The following AGBL4 variants were observed in gnomAD, a reference collection of about 807,000 sequenced individuals.
AGBL4 encodes cytosolic carboxypeptidase 6.
In AGBL4, 58 loss-of-function variants were observed where a neutral mutation model predicts 66.4. That is an observed-to-expected ratio of 0.87 (90% CI 0.71 to 1.09). The LOEUF (loss-of-function observed/expected upper bound fraction) is 1.09. AGBL4 is among the 50% of genes least tolerant of loss of function. AGBL4 has a pLI of 0.00. For missense variants in AGBL4, 579 were observed against 631.0 expected, an observed-to-expected ratio of 0.92 and a Z score of 0.88; for synonymous variants, 234 against 222.9, an observed-to-expected ratio of 1.05 and a Z score of -0.44.
At chr1:49,884,156 A>C (rs939308422) in intron 1 of AGBL4, among the ~76,000 whole-genome samples, 11 of 152,004 alleles carry the variant, frequency 7.2e-5, no homozygotes, top group African/African-American at 2.7e-4. Flanking sequence ...CAAAGGCAGC[A>C]TGAATTACTA....
intron 4 of AGBL4, among the ~76,000 whole-genome samples, chr1:49,190,625 GT>G (rs1429295558): frequency 6.6e-6 from 1 of 152,086 alleles, no homozygotes; most frequent in African/African-American, 2.4e-5. Flanking sequence ...TAATAAAATA[GT>G]TGCACTCTTA....
At chr1:48,523,745 T>C in the AGBL4 span, among the ~76,000 whole-genome samples, 1 of 152,290 alleles carries the variant, frequency 6.6e-6, no homozygotes, top group African/African-American at 2.4e-5. Flanking sequence ...ATGCATTGTT[T>C]AATGACAGGG....
chr1:48,644,928 C>T (rs1645811045), intron 8 of AGBL4, among the ~76,000 whole-genome samples: 1 of 152,204 alleles, frequency 6.6e-6, no homozygotes, highest in African/African-American at 2.4e-5. Context: ...TCCAGACTCC[C>T]TAGCTGCTAA....
At chr1:48,779,588 T>C (rs1184898000) in intron 6 of AGBL4, among the ~76,000 whole-genome samples, 1 of 152,168 alleles carries the variant, frequency 6.6e-6, no homozygotes, top group African/African-American at 2.4e-5. Context: ...GCATCCCAGG[T>C]ACCTAGCACA....
At chr1:48,604,662 G>T (rs1440721120) in intron 9 of AGBL4, among the ~76,000 whole-genome samples, 1 of 151,904 alleles carries the variant, frequency 6.6e-6, no homozygotes, top group Non-Finnish European at 1.5e-5. Context: ...AAATACTTAG[G>T]CCCTCTATTA....
At chr1:48,669,020 C>A (rs535630448) in intron 6 of AGBL4, among the ~76,000 whole-genome samples, 12 of 152,232 alleles carry the variant, frequency 7.9e-5, no homozygotes, top group African/African-American at 1.9e-4. Context: ...GAGGAAAGGG[C>A]TAGGTGAGGG....
intron 3 of AGBL4, among the ~76,000 whole-genome samples, chr1:49,628,146 C>T (rs1223109288): frequency 2.6e-5 from 4 of 152,178 alleles, no homozygotes; most frequent in African/African-American, 9.6e-5. Context: ...GCACATAATT[C>T]TCTACTGTGA....
chr1:49,095,858 G>C (rs1376751371), intron 4 of AGBL4, among the ~76,000 whole-genome samples: 1 of 151,196 alleles, frequency 6.6e-6, no homozygotes, highest in Non-Finnish European at 1.5e-5. Flanking sequence ...TTAAACTAAA[G>C]AGCTTCTGCA....
intron 2 of AGBL4, among the ~76,000 whole-genome samples, chr1:49,843,079 C>T (rs1461062167): frequency 6.6e-6 from 1 of 152,112 alleles, no homozygotes; most frequent in East Asian, 1.9e-4. Context: ...AGTGGCCTGT[C>T]ACCAGAGTCC....
chr1:49,937,168 A>G (rs12139159), intron 1 of AGBL4, among the ~76,000 whole-genome samples: 14,044 of 152,172 alleles, frequency 0.092, 856 homozygotes, highest in African/African-American at 0.16. Flanking sequence ...ATGGAAAACA[A>G]AAAAAGGCAA....
intron 2 of AGBL4, among the ~76,000 whole-genome samples, chr1:49,739,037 G>A (rs191623489): frequency 8.7e-4 from 133 of 152,322 alleles, no homozygotes; most frequent in African/African-American, 3.2e-3. Context: ...CACCAACAAT[G>A]GAACAAAGCT....
intron 3 of AGBL4, among the ~76,000 whole-genome samples, chr1:49,541,825 G>A (rs978738734): frequency 5.9e-5 from 9 of 152,340 alleles, no homozygotes; most frequent in South Asian, 2.1e-4. Flanking sequence ...CTAGCTAAGC[G>A]ATTGTAAATA....
chr1:49,042,385 C>T (rs1643966482), intron 5 of AGBL4, among the ~76,000 whole-genome samples: 1 of 152,126 alleles, frequency 6.6e-6, no homozygotes, highest in Admixed American at 6.6e-5. Flanking sequence ...TATCCTGTGG[C>T]AGCGACTTTA....
At chr1:49,030,625 G>A (rs1664131945) in intron 5 of AGBL4, among the ~76,000 whole-genome samples, 1 of 151,970 alleles carries the variant, frequency 6.6e-6, no homozygotes, top group Admixed American at 6.6e-5. Flanking sequence ...TAGGTTGTGT[G>A]CTCCTTATGA....
At chr1:49,357,741 G>A (rs148550997) in intron 3 of AGBL4, among the ~76,000 whole-genome samples, 6 of 152,142 alleles carry the variant, frequency 3.9e-5, no homozygotes, top group African/African-American at 1.4e-4. Context: ...CTGTAAACAG[G>A]AAATAACTTC....
chr1:49,566,524 A>T (rs1644209133), intron 3 of AGBL4, among the ~76,000 whole-genome samples: 1 of 152,004 alleles, frequency 6.6e-6, no homozygotes, highest in Non-Finnish European at 1.5e-5. Flanking sequence ...ACAGTCAGGA[A>T]CCTCAGCTGC....
intron 5 of AGBL4, among the ~76,000 whole-genome samples, chr1:48,882,159 G>C (rs903868754): frequency 2.0e-5 from 3 of 152,156 alleles, no homozygotes; most frequent in Non-Finnish European, 4.4e-5. Flanking sequence ...ATACTACTCA[G>C]TCTTTATGTC....
intron 5 of AGBL4, among the ~76,000 whole-genome samples, chr1:48,959,510 A>G (rs1657777970): frequency 6.6e-6 from 1 of 152,188 alleles, no homozygotes; most frequent in Admixed American, 6.5e-5. Context: ...AAAAATTGAC[A>G]CAAAGGACAC....
intron 3 of AGBL4, among the ~76,000 whole-genome samples, chr1:49,638,739 T>C (rs1375248501): frequency 6.6e-6 from 1 of 152,218 alleles, no homozygotes; most frequent in Admixed American, 6.5e-5. Flanking sequence ...GCTGTGATTG[T>C]GAGGCCTTCC....
Sources: allele counts gnomAD v4.1 joint callset (sites outside exome capture counted in the v4.1 genomes callset), GRCh38; gene constraint gnomAD v4.1.1; transcripts MANE v1.5; gene names NCBI Gene and HGNC (gene_info 2026-07-23, HGNC 2026-07-21).